Variants in RPRD2 observed in about 807,000 individuals in gnomAD.
RPRD2 encodes regulation of nuclear pre-mRNA domain-containing protein 2.
In RPRD2, 12 loss-of-function variants were observed where a neutral mutation model predicts 104.4. That is an observed-to-expected ratio of 0.11 (90% CI 0.07 to 0.19). The LOEUF is 0.19. Among genes scored for constraint, RPRD2 ranks in the 10% least tolerant of loss-of-function variants. The probability of loss-of-function intolerance (pLI) is 1.00; values close to 1 mark genes in which losing one functional copy is unlikely to be tolerated. For missense variants in RPRD2, 1,543 were observed against 1,790.1 expected (o/e 0.86, Z 2.49); for synonymous variants, 714 against 684.9 (o/e 1.04, Z -0.66).
chr1:150,396,139 T>C (rs1256863590), intron 1 of RPRD2, among the ~76,000 whole-genome samples: 1 of 152,112 alleles, frequency 6.6e-6, no homozygotes, highest in Non-Finnish European at 1.5e-5. Context: ...TTTGTATGCC[T>C]TCTTTTGAAA....
chr1:150,441,084 T>G (rs782523750), intron 3 of RPRD2, 61 bp downstream of exon 3: 139 of 776,312 alleles, frequency 1.8e-4, no homozygotes, highest in Non-Finnish European at 2.6e-4. Flanking sequence ...ATTACATAAT[T>G]TTATAGATCT....
At chr1:150,436,795 C>T (rs1250534726) in intron 2 of RPRD2, among the ~76,000 whole-genome samples, 2 of 151,472 alleles carry the variant, frequency 1.3e-5, no homozygotes, top group African/African-American at 2.4e-5. Flanking sequence ...ATACCAGCCA[C>T]TCAGGAAGCC....
At chr1:150,376,587 G>A (rs983266610) in intron 1 of RPRD2, among the ~76,000 whole-genome samples, 2 of 150,366 alleles carry the variant, frequency 1.3e-5, no homozygotes, top group East Asian at 4.1e-4. Context: ...TGCAAGCTCC[G>A]CCTCCCGGGT....
rs779415420 is a variant in RPRD2, at chr1:150,473,149, C to G, written c.4201C>G (p.Pro1401Ala). The G allele has an allele frequency of 1.2e-6, 2 of 1,613,880 alleles. No individual in the cohort carries two copies. The highest frequency in any genetic ancestry group is 1.7e-6 in the Non-Finnish European group (2 of 1,179,790). Reference protein sequence around the residue: ...SNSSSGPPLGPSHRDTISRSG... With the variant: ...SNSSSGPPLGASHRDTISRSG... ...CAGCAGCAGTGGCCCCCCCTTGGGTCCCTCACACAGAGACACCATCAGCCG... is the reference window on the plus strand; with the variant it reads ...CAGCAGCAGTGGCCCCCCCTTGGGTGCCTCACACAGAGACACCATCAGCCG... Residue 1401 changes from proline (P) to alanine (A), a missense_variant, in exon 11 of 11, where the codon CCC becomes GCC. Physicochemically the swap from Pro to Ala is conservative, Grantham distance 27. Transcript: ENST00000369068.
At chr1:150,420,556 TG>T (rs1485304197) in intron 2 of RPRD2, among the ~76,000 whole-genome samples, 5 of 152,226 alleles carry the variant, frequency 3.3e-5, no homozygotes, top group Non-Finnish European at 7.3e-5. Flanking sequence ...TCAGGTGCAG[TG>T]GCTCATGCCT....
chr1:150,465,961 C>T (rs373945164), intron 10 of RPRD2, among the ~76,000 whole-genome samples: 13 of 138,370 alleles, frequency 9.4e-5, no homozygotes, highest in African/African-American at 3.2e-4. Flanking sequence ...CGCAGTAAGC[C>T]GGAATCACGC....
At chr1:150,448,524 A>G (rs1340155578) in intron 7 of RPRD2, among the ~76,000 whole-genome samples, 2 of 152,178 alleles carry the variant, frequency 1.3e-5, no homozygotes, top group African/African-American at 2.4e-5. Flanking sequence ...CTGTTCTATA[A>G]TCATACTTAA....
At chr1:150,401,722 C>T (rs1663031471) in intron 1 of RPRD2, among the ~76,000 whole-genome samples, 2 of 150,772 alleles carry the variant, frequency 1.3e-5, no homozygotes, top group Non-Finnish European at 3.0e-5. Flanking sequence ...CGGCTCACTG[C>T]AAACGCCGCC....
chr1:150,428,454 C>CAAAAAAAAAAAAAAAAAAAAAAAAAA (rs34596290), intron 2 of RPRD2, among the ~76,000 whole-genome samples: 1 of 71,274 alleles, frequency 1.4e-5, no homozygotes, highest in Non-Finnish European at 2.8e-5. Flanking sequence ...GACTCTGTCT[C>CAAAAAAAAAAAAAAAAAAAAAAAAAA]AAAAAAAAAA....
At chr1:150,421,299 C>G (rs1457395889) in intron 2 of RPRD2, among the ~76,000 whole-genome samples, 2 of 151,950 alleles carry the variant, frequency 1.3e-5, no homozygotes, top group East Asian at 3.8e-4. Context: ...AAACCCCACC[C>G]AAGAATAAAT....
Position 150,368,109 on chromosome 1 carries a change from CTCGGG to C in RPRD2, c.205+3191_205+3195del, listed in dbSNP as rs587711277. 1.8e-3 allele frequency among the ~76,000 whole-genome samples: 268 copies of C among 151,942 alleles called. 1 individual carries two copies. In the Middle Eastern group the frequency reaches 0.027, roughly 16 times the overall value. ...GTCCTGTACCATCTGCTCTGCCTACCTCGGGCTTCTTCACATCCTGCCTCCTTCTC... is the reference window on the plus strand; with the variant it reads ...GTCCTGTACCATCTGCTCTGCCTACCCTTCTTCACATCCTGCCTCCTTCTC... On this transcript the variant is annotated intron_variant, in intron 1 of 10. Coordinates refer to ENST00000369068, the MANE Select transcript of RPRD2 (RefSeq NM_015203.5).
At chr1:150,440,678 T>A (rs1355435092) in intron 2 of RPRD2, among the ~76,000 whole-genome samples, 2 of 152,206 alleles carry the variant, frequency 1.3e-5, no homozygotes, top group Non-Finnish European at 2.9e-5. Flanking sequence ...GCTGTCAGTA[T>A]GTCATCTGTA....
intron 6 of RPRD2, among the ~76,000 whole-genome samples, chr1:150,445,844 G>A (rs1279022950): frequency 6.6e-6 from 1 of 152,014 alleles, no homozygotes; most frequent in African/African-American, 2.4e-5. Flanking sequence ...CCAGGCAGGC[G>A]GATCACGAGG....
intron 7 of RPRD2, among the ~76,000 whole-genome samples, chr1:150,455,227 G>A (rs924804122): frequency 8.5e-5 from 13 of 152,176 alleles, no homozygotes; most frequent in African/African-American, 3.1e-4. Context: ...GTCCAGGCCG[G>A]GCGCGATGGC....
chr1:150,365,205 C>T (rs1230533930), intron 1 of RPRD2, among the ~76,000 whole-genome samples: 7 of 152,146 alleles, frequency 4.6e-5, no homozygotes, highest in Non-Finnish European at 8.8e-5. Flanking sequence ...ATTTCAGAGC[C>T]TTGTAAGGTG....
intron 6 of RPRD2, among the ~76,000 whole-genome samples, 159 bp from the exon 7 acceptor site, chr1:150,446,067 C>CAAAAAAAAAA (rs5777728): frequency 1.1e-5 from 1 of 93,386 alleles, no homozygotes; most frequent in Non-Finnish European, 2.3e-5. Flanking sequence ...GACTCCGTCT[C>CAAAAAAAAAA]AAAAAAAAAA....
At chr1:150,385,047 T>G (rs1661464586) in intron 1 of RPRD2, among the ~76,000 whole-genome samples, 1 of 152,092 alleles carries the variant, frequency 6.6e-6, no homozygotes. Context: ...TAATTACATG[T>G]ACACATAAAA....
At chr1:150,368,712 C>T (rs1263664522) in intron 1 of RPRD2, among the ~76,000 whole-genome samples, 11 of 151,950 alleles carry the variant, frequency 7.2e-5, no homozygotes, top group African/African-American at 2.2e-4. Context: ...GATCCACCTG[C>T]CTCTCAGCCT....
chr1:150,443,013 G>A (rs1553894783), intron 4 of RPRD2, among the ~76,000 whole-genome samples: 1 of 151,968 alleles, frequency 6.6e-6, no homozygotes, highest in Non-Finnish European at 1.5e-5. Flanking sequence ...TCTGTTGGAG[G>A]TAAGTAGGTT....
Sources: allele counts gnomAD v4.1 joint callset (sites outside exome capture counted in the v4.1 genomes callset), GRCh38; gene constraint gnomAD v4.1.1; transcripts MANE v1.5; gene names NCBI Gene and HGNC (gene_info 2026-07-23, HGNC 2026-07-21).